The following CTNNA2 variants were observed in gnomAD, a reference collection of about 807,000 sequenced individuals.
CTNNA2 encodes catenin alpha-2.
CTNNA2 carries 42 observed loss-of-function variants against 101.0 expected under a neutral mutation model. That is an observed-to-expected ratio of 0.42 (90% CI 0.32 to 0.54). The LOEUF (loss-of-function observed/expected upper bound fraction) is 0.54, where lower values mean the gene tolerates loss of function less well. Ranked by LOEUF, CTNNA2 falls within the 20% of genes least tolerant of loss-of-function variation. The pLI is 0.14. For missense variants in CTNNA2, 871 were observed against 1,223.1 expected (o/e 0.71, Z 4.29); for synonymous variants, 450 against 456.4 (o/e 0.99, Z 0.18).
chr2:79,353,128 TG>T (rs966905033), intron 3 of CTNNA2, among the ~76,000 whole-genome samples: 19 of 152,226 alleles, frequency 1.2e-4, no homozygotes, highest in African/African-American at 4.6e-4. Context: ...GAGATTTGGG[TG>T]GGGAGACAGA....
chr2:79,875,484 G>A (rs1372315118), intron 6 of CTNNA2, among the ~76,000 whole-genome samples: 1 of 152,124 alleles, frequency 6.6e-6, no homozygotes, highest in Non-Finnish European at 1.5e-5. Flanking sequence ...CATGAAGAAA[G>A]ATGATGAGCT....
intron 9 of CTNNA2, among the ~76,000 whole-genome samples, chr2:80,431,247 C>T (rs1681477995): frequency 6.6e-6 from 1 of 152,170 alleles, no homozygotes; most frequent in African/African-American, 2.4e-5. Flanking sequence ...CTTCACAAAG[C>T]CTGCCCAAGG....
At chr2:79,936,451 C>A (rs750651820) in intron 7 of CTNNA2, among the ~76,000 whole-genome samples, 2 of 152,094 alleles carry the variant, frequency 1.3e-5, no homozygotes, top group Non-Finnish European at 2.9e-5. Flanking sequence ...CAACCCGACC[C>A]CCTTTTCCTC....
intron 2 of CTNNA2, among the ~76,000 whole-genome samples, chr2:79,217,590 C>T (rs1262195909): frequency 6.6e-6 from 1 of 152,076 alleles, no homozygotes; most frequent in East Asian, 1.9e-4. Flanking sequence ...CAGGAACAGG[C>T]CATTTTCATT....
In CTNNA2 at chr2:79,304,673, G is replaced by A. The variant is rs369893812; in HGVS notation, c.-405-8036G>A. 1.8e-4 allele frequency among the ~76,000 whole-genome samples: 27 copies of A among 152,206 alleles called. No homozygotes were observed. The East Asian group carries it at 3.1e-3, about 17-fold the overall frequency. On this transcript the variant is annotated intron_variant, in intron 2 of 21. Transcript: ENST00000466387. ...GCACTATTGTAAGAACTCAATAAAC[G>A]TCTGCTAAGAACTCAATAGGTATCT...
intron 9 of CTNNA2, among the ~76,000 whole-genome samples, chr2:80,469,289 G>T (rs1325959352): frequency 6.6e-5 from 10 of 152,200 alleles, no homozygotes; most frequent in African/African-American, 2.4e-4. Context: ...TGCCTGAACA[G>T]CCAGAACCTC....
At chr2:80,330,501 T>C (rs1389888975) in intron 7 of CTNNA2, among the ~76,000 whole-genome samples, 8 of 91,938 alleles carry the variant, frequency 8.7e-5, no homozygotes, top group Non-Finnish European at 1.5e-4. Flanking sequence ...ACTTTTTTCT[T>C]TTTTTTTTTT....
intron 4 of CTNNA2, among the ~76,000 whole-genome samples, chr2:79,494,820 A>C (rs543633402): frequency 6.6e-6 from 1 of 152,304 alleles, no homozygotes; most frequent in South Asian, 2.1e-4. Flanking sequence ...TTCAAAATTA[A>C]AAACTTTTGG....
chr2:80,101,861 T>C (rs1016962007), intron 7 of CTNNA2, among the ~76,000 whole-genome samples: 2 of 152,156 alleles, frequency 1.3e-5, no homozygotes, highest in African/African-American at 4.8e-5. Context: ...GTTCACTTCC[T>C]CTTCACCAGG....
chr2:79,481,282 T>C (rs1169147197), intron 4 of CTNNA2, among the ~76,000 whole-genome samples: 1 of 152,144 alleles, frequency 6.6e-6, no homozygotes, highest in Non-Finnish European at 1.5e-5. Flanking sequence ...AATTATGTTC[T>C]CTCTGATTAT....
intron 2 of CTNNA2, among the ~76,000 whole-genome samples, chr2:79,209,882 A>C (rs185444171): frequency 7.0e-6 from 1 of 143,634 alleles, no homozygotes; most frequent in African/African-American, 2.7e-5. Context: ...TGATGACTCT[A>C]TTAAAATGCC....
intron 7 of CTNNA2, among the ~76,000 whole-genome samples, chr2:80,212,167 G>A (rs558748087): frequency 1.3e-5 from 2 of 152,204 alleles, no homozygotes; most frequent in African/African-American, 4.8e-5. Flanking sequence ...CTACAAACAG[G>A]GACAATTTAA....
intron 3 of CTNNA2, among the ~76,000 whole-genome samples, chr2:79,853,348 G>A (rs536775702): frequency 2.6e-5 from 4 of 152,142 alleles, no homozygotes; most frequent in African/African-American, 9.6e-5. Flanking sequence ...TCACTAGGTT[G>A]ACCAGGCTGG....
At chr2:79,589,012 C>G (rs570842267) in intron 1 of CTNNA2, among the ~76,000 whole-genome samples, 1 of 152,300 alleles carries the variant, frequency 6.6e-6, no homozygotes, top group East Asian at 1.9e-4. Flanking sequence ...TTACTGAGTG[C>G]TCAATACATG....
intron 4 of CTNNA2, among the ~76,000 whole-genome samples, chr2:79,860,424 T>A (rs1404774825): frequency 2.0e-5 from 3 of 152,106 alleles, no homozygotes; most frequent in African/African-American, 7.2e-5. Flanking sequence ...ACCAGTTGCC[T>A]CCTGCAGTCC....
chr2:79,457,728 G>T (rs980928869), intron 4 of CTNNA2, among the ~76,000 whole-genome samples: 1 of 152,166 alleles, frequency 6.6e-6, no homozygotes, highest in African/African-American at 2.4e-5. Context: ...GGTTGACTAA[G>T]TTTAAGAATA....
intron 1 of CTNNA2, among the ~76,000 whole-genome samples, chr2:79,191,619 T>C (rs1438751448): frequency 1.2e-4 from 19 of 152,198 alleles, no homozygotes; most frequent in Admixed American, 1.1e-3. Context: ...TTACTTCTTA[T>C]GAAGGGCTAC....
At chr2:80,587,349 C>A (rs1696065372) in intron 14 of CTNNA2, among the ~76,000 whole-genome samples, 1 of 151,992 alleles carries the variant, frequency 6.6e-6, no homozygotes, top group Non-Finnish European at 1.5e-5. Flanking sequence ...CCTATAGCAA[C>A]TAAGAAATGA....
At chr2:80,512,141 C>T (rs1019095016) in intron 9 of CTNNA2, among the ~76,000 whole-genome samples, 6 of 104,780 alleles carry the variant, frequency 5.7e-5, no homozygotes, top group Admixed American at 1.3e-4. Flanking sequence ...CAGAGCAACA[C>T]TCTGTCTCAA....
Sources: gnomAD v4.1 joint callset for allele counts (sites outside exome capture counted in the v4.1 genomes callset) on GRCh38, gnomAD v4.1.1 for gene constraint, MANE v1.5 for transcripts, NCBI Gene and HGNC (gene_info 2026-07-23, HGNC 2026-07-21) for gene names.